Variants in AGBL4 observed in about 807,000 individuals in gnomAD.
AGBL4 encodes cytosolic carboxypeptidase 6.
Under a neutral mutation model 66.4 loss-of-function variants are expected in AGBL4, and 58 were observed. The ratio of observed to expected loss-of-function variants is 0.87; its 90% confidence interval spans 0.71 to 1.09. AGBL4 has a LOEUF of 1.09. AGBL4 is among the 50% of genes least tolerant of loss of function. The pLI is 0.00. For missense variants in AGBL4, 579 were observed against 631.0 expected, an observed-to-expected ratio of 0.92 and a Z score of 0.88; for synonymous variants, 234 against 222.9, an observed-to-expected ratio of 1.05 and a Z score of -0.44.
At chr1:48,768,681 C>T (rs886560000) in intron 6 of AGBL4, among the ~76,000 whole-genome samples, 2 of 152,150 alleles carry the variant, frequency 1.3e-5, no homozygotes, top group African/African-American at 2.4e-5. Context: ...TTAAAATAAT[C>T]CAATGTCAGA....
intron 1 of AGBL4, among the ~76,000 whole-genome samples, chr1:49,919,984 G>A (rs1240359450): frequency 4.6e-5 from 7 of 151,746 alleles, no homozygotes; most frequent in Admixed American, 1.3e-4. Context: ...AACAAGAAAT[G>A]GGGAAAGGAT....
intron 3 of AGBL4, among the ~76,000 whole-genome samples, chr1:49,530,298 T>A (rs576836223): frequency 1.5e-5 from 1 of 67,156 alleles, no homozygotes; most frequent in East Asian, 2.3e-4. Context: ...TGAGTTTTTT[T>A]TTATTATTAT....
chr1:49,602,736 C>A (rs1457584090), intron 3 of AGBL4, among the ~76,000 whole-genome samples: 4 of 151,230 alleles, frequency 2.6e-5, no homozygotes, highest in Non-Finnish European at 1.5e-5. Context: ...GGAGAAATAC[C>A]TAATATAAAT....
chr1:49,735,502 G>C (rs1649810941), intron 2 of AGBL4, among the ~76,000 whole-genome samples: 1 of 151,470 alleles, frequency 6.6e-6, no homozygotes, highest in South Asian at 2.1e-4. Context: ...TATTATCATT[G>C]TAATACCCAT....
chr1:49,948,683 T>C (rs921869918), intron 1 of AGBL4, among the ~76,000 whole-genome samples: 1 of 144,556 alleles, frequency 6.9e-6, no homozygotes, highest in Non-Finnish European at 1.5e-5. Flanking sequence ...CTGAAAGAAA[T>C]CATAGATGAC....
At chr1:49,762,853 C>T (rs1423564006) in intron 2 of AGBL4, among the ~76,000 whole-genome samples, 1 of 152,168 alleles carries the variant, frequency 6.6e-6, no homozygotes, top group Non-Finnish European at 1.5e-5. Context: ...TTGTTAACTG[C>T]TTCCCTCTCT....
chr1:48,805,809 C>T (rs1201209932), intron 6 of AGBL4, among the ~76,000 whole-genome samples: 1 of 152,168 alleles, frequency 6.6e-6, no homozygotes. Flanking sequence ...CCTGTTTCCT[C>T]ATCTGTGAAC....
At chr1:49,196,324 T>C (rs1343087585) in intron 4 of AGBL4, among the ~76,000 whole-genome samples, 1 of 152,234 alleles carries the variant, frequency 6.6e-6, no homozygotes, top group Non-Finnish European at 1.5e-5. Context: ...CATTTTGTAA[T>C]TCCTTAATGA....
At chr1:48,833,661 C>G (rs1160353484) in intron 6 of AGBL4, among the ~76,000 whole-genome samples, 1 of 152,146 alleles carries the variant, frequency 6.6e-6, no homozygotes, top group Non-Finnish European at 1.5e-5. Context: ...TGAACTTAAT[C>G]AGCCATCTCA....
chr1:49,658,981 A>G (rs1014674868), intron 3 of AGBL4, among the ~76,000 whole-genome samples: 14 of 152,170 alleles, frequency 9.2e-5, no homozygotes, highest in Non-Finnish European at 2.9e-5. Context: ...CATGCTGTGT[A>G]CATGTACCCT....
intron 6 of AGBL4, among the ~76,000 whole-genome samples, chr1:48,825,594 C>T (rs565044634): frequency 6.4e-4 from 98 of 152,086 alleles, no homozygotes; most frequent in African/African-American, 2.3e-3. Flanking sequence ...GAGTGCTTGG[C>T]GTATAATAGG....
At chr1:49,821,708 G>A (rs1176684438) in intron 2 of AGBL4, among the ~76,000 whole-genome samples, 1 of 152,140 alleles carries the variant, frequency 6.6e-6, no homozygotes, top group East Asian at 1.9e-4. Flanking sequence ...TTTGTAAGCT[G>A]CATTGCTTTA....
chr1:49,623,482 A>G (rs1214119409), intron 3 of AGBL4, among the ~76,000 whole-genome samples: 22 of 152,096 alleles, frequency 1.4e-4, no homozygotes, highest in Admixed American at 1.3e-3. Context: ...TAATTTAACT[A>G]CCCTTTTATC....
chr1:49,294,885 G>T (rs1449953539), intron 3 of AGBL4, among the ~76,000 whole-genome samples: 3 of 152,088 alleles, frequency 2.0e-5, no homozygotes, highest in African/African-American at 7.2e-5. Context: ...ATGCTTTATT[G>T]TAAAATACTT....
At chr1:48,977,357 T>C (rs918876102) in intron 5 of AGBL4, among the ~76,000 whole-genome samples, 3 of 152,202 alleles carry the variant, frequency 2.0e-5, no homozygotes, top group African/African-American at 7.2e-5. Context: ...ATTTATGAGA[T>C]GATCTAATAA....
chr1:49,218,783 G>A (rs1042144141), intron 4 of AGBL4, among the ~76,000 whole-genome samples: 33 of 152,056 alleles, frequency 2.2e-4, no homozygotes, highest in African/African-American at 7.7e-4. Flanking sequence ...ACGTGTCATG[G>A]GAGGGACACA....
intron 1 of AGBL4, among the ~76,000 whole-genome samples, chr1:49,937,211 A>T (rs528298253): frequency 2.7e-4 from 41 of 152,302 alleles, no homozygotes; most frequent in East Asian, 7.7e-4. Context: ...TAAAACAGAC[A>T]TTAAACCAAC....
chr1:48,900,497 A>G (rs1206049903), intron 5 of AGBL4, among the ~76,000 whole-genome samples: 2 of 152,234 alleles, frequency 1.3e-5, no homozygotes, highest in African/African-American at 4.8e-5. Flanking sequence ...CTTATTATAA[A>G]CCTACAGTAA....
intron 5 of AGBL4, among the ~76,000 whole-genome samples, chr1:48,896,348 C>G (rs902784227): frequency 6.6e-6 from 1 of 152,210 alleles, no homozygotes; most frequent in Non-Finnish European, 1.5e-5. Context: ...TCTTCTCGAG[C>G]TTCAGTTTCC....
Sources: gnomAD v4.1 joint callset for allele counts (sites outside exome capture counted in the v4.1 genomes callset) on GRCh38, gnomAD v4.1.1 for gene constraint, MANE v1.5 for transcripts, NCBI Gene and HGNC (gene_info 2026-07-23, HGNC 2026-07-21) for gene names.